Variants in TMEM235 observed in about 807,000 individuals in gnomAD.
TMEM235 encodes claudin-27.
Under a neutral mutation model 22.9 loss-of-function variants are expected in TMEM235, and 23 were observed. The ratio of observed to expected loss-of-function variants is 1.00; its 90% confidence interval spans 0.72 to 1.42. The LOEUF is 1.42. TMEM235 is among the 40% of genes most tolerant of loss of function. The pLI is 0.00. For synonymous variants in TMEM235, 137 were observed against 140.5 expected, an observed-to-expected ratio of 0.98 and a Z score of 0.17; for missense variants, 308 against 299.5, an observed-to-expected ratio of 1.03 and a Z score of -0.21.
At chr17:78,232,298 C>T (rs1282629062) in intron 2 of TMEM235, 85 bp downstream of exon 1, 57 of 1,278,444 alleles carry the variant, frequency 4.5e-5, no homozygotes, top group Non-Finnish European at 5.7e-5. Context: ...CGTGTTGCCC[C>T]GCCAGACCCC....
chr17:78,238,217 A>G lies in TMEM235; in HGVS notation c.410-807A>G, dbSNP rs1416849820. Among the ~76,000 whole-genome samples, 1 of 152,178 alleles carries G rather than the reference A, an allele frequency of 6.6e-6. No homozygotes were observed. Among genetic ancestry groups the G allele is most frequent in the Non-Finnish European group, 1.5e-5 (1 of 68,040 alleles). ...GAGGCATGGGCCGAGTCCCCTACCT[A>G]GCTCGTTGCTGGACCCTGAACTGCC... On this transcript the variant is annotated intron_variant, in intron 4 of 5. Transcript: ENST00000421688. This position sits in a 1 kb window ranked among gnomAD's most constrained non-coding sequence, Gnocchi z 4.3.
Position 78,237,231 on chromosome 17 carries a change from C to T in TMEM235, c.410-1793C>T, listed in dbSNP as rs140465884. 6.6e-6 allele frequency among the ~76,000 whole-genome samples: 1 copy of T among 152,132 alleles called. No homozygotes were observed. Among genetic ancestry groups the T allele is most frequent in the Non-Finnish European group, 1.5e-5 (1 of 68,008 alleles). On this transcript the variant is annotated intron_variant, in intron 4 of 5. Transcript: ENST00000421688. This position sits in a 1 kb window ranked among gnomAD's most constrained non-coding sequence, Gnocchi z 4.7. ...GGATGTCACACCAAAGGCACCTGCC[C>T]AGGGTCAGCTCGGCCCTCACCCCTC... is the stretch of plus-strand genomic sequence containing the variant.
At chr17:78,239,725 C>T in intron 5 of TMEM235, 55 bp from the exon 5 acceptor site, 4 of 1,503,844 alleles carry the variant, frequency 2.7e-6, no homozygotes, top group Non-Finnish European at 3.6e-6. Flanking sequence ...GCTCCATGCT[C>T]CTCTCCAGCC....
intron 2 of TMEM235, among the ~76,000 whole-genome samples, chr17:78,233,650 G>C (rs564029149): frequency 8.8e-4 from 133 of 150,838 alleles, no homozygotes; most frequent in Non-Finnish European, 1.6e-3. Flanking sequence ...AACCGAGATC[G>C]CGCCACTGCA....
At position 78,236,665 on chromosome 17, in the gene TMEM235, T is replaced by G. The variant is rs553736343; in HGVS notation, c.409+1935T>G. ...GACAGTCTGTCCTCAGCCGCCCCTGTCAATCAAGGCTAGGCCCGAGCCAGG... is the reference window on the plus strand; with the variant it reads ...GACAGTCTGTCCTCAGCCGCCCCTGGCAATCAAGGCTAGGCCCGAGCCAGG... On this transcript the variant is annotated intron_variant, in intron 4 of 5. Transcript: ENST00000421688. Among the ~76,000 whole-genome samples, 8 of 152,302 alleles carry G rather than the reference T, an allele frequency of 5.3e-5. No homozygotes were observed. In the East Asian group the frequency reaches 1.5e-3, roughly 29 times the overall value.
At chr17:78,232,693 C>T (rs1275850869) in intron 2 of TMEM235, among the ~76,000 whole-genome samples, 1 of 150,964 alleles carries the variant, frequency 6.6e-6, no homozygotes, top group Non-Finnish European at 1.5e-5. Context: ...AGAAGGGGAT[C>T]CCAGCAGGCT....
intron 2 of TMEM235, among the ~76,000 whole-genome samples, 165 bp downstream of exon 1, chr17:78,232,378 C>T (rs1212874195): frequency 2.0e-5 from 3 of 152,198 alleles, no homozygotes; most frequent in Non-Finnish European, 1.5e-5. Flanking sequence ...CATCACCCTC[C>T]GTCTTCCCCC....
chr17:78,234,374 A>T lies in TMEM235; in HGVS notation c.272-219A>T, dbSNP rs193130660. ...GTTGGGGGACATGTGAGGCCTGGGG[A>T]TGGGGGCTGGGAGTGTTCTGGGGAC... On this transcript the variant is annotated intron_variant, in intron 3 of 5. Transcript: ENST00000421688. 3 of 749,190 alleles carry T rather than the reference A, an allele frequency of 4.0e-6. No individual in the cohort carries two copies. In the Admixed American group the frequency reaches 6.0e-5, roughly 15 times the overall value. The allele number at this position is 749,190 out of a possible 1,614,324, so 46.4% of individuals were successfully genotyped here.
exon 6 of TMEM235, chr17:78,239,988 A>ACCCCTCTGC (rs1458401141): frequency 1.3e-6 from 2 of 1,544,400 alleles, no homozygotes; most frequent in Non-Finnish European, 1.7e-6. Context: ...ATCCAGATGT[A>ACCCCTCTGC]CCCCTCTGCC....
chr17:78,239,291 T>G lies in TMEM235; in HGVS notation c.659+18T>G. The G allele has an allele frequency of 2.6e-6, 4 of 1,534,968 alleles. No homozygotes were observed. Among genetic ancestry groups the G allele is most frequent in the Non-Finnish European group, 3.5e-6 (4 of 1,145,148 alleles). ...GGAGGGAGGTAAGAGGGGGCTGGGTTTCCCTTTGCACCTCCCGGGATTGGG... is the reference window on the plus strand; with the variant it reads ...GGAGGGAGGTAAGAGGGGGCTGGGTGTCCCTTTGCACCTCCCGGGATTGGG... On this transcript the variant is annotated intron_variant, in intron 5 of 5. Transcript: ENST00000421688.
rs895526402 is a variant in TMEM235, at chr17:78,234,830, C to G, written c.409+100C>G. 7 of 1,453,284 alleles carry G rather than the reference C, an allele frequency of 4.8e-6. No homozygotes were observed. The African/African-American group carries it at 9.8e-5, about 20-fold the overall frequency. The allele number at this position is 1,453,284 out of a possible 1,614,324, so 90.0% of individuals were successfully genotyped here. On this transcript the variant is annotated intron_variant, in intron 4 of 5. Coordinates refer to ENST00000421688, the Ensembl canonical transcript of TMEM235. ...TCTCCTGTTGCCCTCGTCCCCTGCTCCCTTCTGGGCGGGTGCTGAGTCTGG... is the reference window on the plus strand; with the variant it reads ...TCTCCTGTTGCCCTCGTCCCCTGCTGCCTTCTGGGCGGGTGCTGAGTCTGG...
chr17:78,233,988 TG>T lies in TMEM235; in HGVS notation c.271+17del. 2 of 1,513,096 alleles carry T rather than the reference TG, an allele frequency of 1.3e-6. No homozygotes were observed. Among genetic ancestry groups the T allele is most frequent in the East Asian group, 4.9e-5 (2 of 40,670 alleles). 93.7% of individuals were successfully genotyped at this position (1,513,096 alleles called of 1,614,324 possible). A position where few individuals can be genotyped will look rare whatever the true frequency, so the allele number is the denominator to read the frequency against. Reference sequence around the variant, plus strand: ...CAGCACCTCATCTGTGAGTCCTGGGTGGGGCCACCTCCCCATCCTTTCCAAA... The same window carrying T: ...CAGCACCTCATCTGTGAGTCCTGGGTGGGCCACCTCCCCATCCTTTCCAAA... On this transcript the variant is annotated intron_variant, in intron 3 of 5. Transcript: ENST00000421688.
rs751449356 is a variant in TMEM235, at chr17:78,239,158, T to C, written c.544T>C (p.Trp182Arg). The change falls in exon 5 of 6, where the codon TGG (tryptophan) becomes CGG (arginine). Residue 182 changes from tryptophan to arginine, a missense_variant. Trp to Arg is a moderately radical substitution (Grantham distance 101, BLOSUM62 -3). Around this residue, in one of 2 missense-constraint regions of TMEM235, gnomAD observed 285 missense variants for 256.2 expected, o/e 1.11. Transcript: ENST00000421688. ...CTTCGGCTGGTCCATGGCCCTGGCC[T>C]GGGGCTCCTGTGCCTTGGAGGCATT... The C allele has an allele frequency of 6.7e-5, 103 of 1,542,710 alleles. No homozygotes were observed. The highest frequency in any genetic ancestry group is 9.0e-5 in the Non-Finnish European group (103 of 1,146,954).
At position 78,234,553 on chromosome 17, in the gene TMEM235, A is replaced by T. The variant is rs565977415; in HGVS notation, c.272-40A>T. The T allele has an allele frequency of 3.7e-4, 569 of 1,534,294 alleles. 15 individuals carry two copies. The East Asian group carries it at 0.014, about 37-fold the overall frequency. Reference sequence around the variant, plus strand: ...CCGGCAGACAAGTGCTGAAGGGCCCACCTGGACCAGAATTCTCACCTGAGC... The same window carrying T: ...CCGGCAGACAAGTGCTGAAGGGCCCTCCTGGACCAGAATTCTCACCTGAGC... On this transcript the variant is annotated intron_variant, in intron 3 of 5. Transcript: ENST00000421688.
exon 4 of TMEM235, chr17:78,234,634 G>A (rs774712589): frequency 6.5e-7 from 1 of 1,536,236 alleles, no homozygotes; most frequent in Non-Finnish European, 8.7e-7. Flanking sequence ...CCTGAGCCTG[G>A]TCCTTCTCGT....
At chr17:78,236,118 G>C (rs796560857) in intron 4 of TMEM235, among the ~76,000 whole-genome samples, 25 of 152,336 alleles carry the variant, frequency 1.6e-4, no homozygotes, top group African/African-American at 6.0e-4. Flanking sequence ...CAGGGCTTCT[G>C]GTTGTGGGTC....
intron 4 of TMEM235, among the ~76,000 whole-genome samples, chr17:78,236,322 G>T (rs1330092055): frequency 2.0e-5 from 3 of 152,254 alleles, no homozygotes; most frequent in African/African-American, 7.2e-5. Context: ...GTTTGGCACA[G>T]ATGAGGCAGG....
chr17:78,234,771 G>A (rs1386030045), intron 4 of TMEM235, 41 bp downstream of exon 3: 6 of 1,534,902 alleles, frequency 3.9e-6, no homozygotes, highest in Middle Eastern at 1.7e-4. Flanking sequence ...AAAGATGGGA[G>A]CTGGGCCACA....
chr17:78,232,140 CG>C lies in TMEM235; in HGVS notation c.119del (p.Gly40AlafsTer63). 6.7e-7 allele frequency: 1 copy of C among 1,489,576 alleles called. No individual in the cohort carries two copies. The allele number at this position is 1,489,576 out of a possible 1,614,324, so 92.3% of individuals were successfully genotyped here. ...GGTACATCCTGGAGGTGGCGGACGC[CG>C]GCAATGGCAGCGCCTGGCCCGGGCG... On this transcript the variant is annotated frameshift_variant, in exon 2 of 6. Transcript: ENST00000421688. LOFTEE classifies it high-confidence loss of function.
Sources: gnomAD v4.1 joint callset for allele counts (sites outside exome capture counted in the v4.1 genomes callset) on GRCh38, gnomAD v4.1.1 for gene constraint, gnomAD v4.1.1 regional missense constraint, Gnocchi (gnomAD v3.1) non-coding constraint, MANE v1.5 for transcripts, NCBI Gene and HGNC (gene_info 2026-07-23, HGNC 2026-07-21) for gene names.